Variants in ANKRD36 observed in about 807,000 individuals in gnomAD.
ANKRD36 encodes ankyrin repeat domain-containing protein 36A.
ANKRD36 carries 179 observed loss-of-function variants against 278.1 expected under a neutral mutation model. The observed-to-expected ratio is 0.64, with a 90% CI of 0.57 to 0.73. The LOEUF is 0.73. ANKRD36 is among the 30% of genes least tolerant of loss of function. ANKRD36 has a pLI of 0.00. For synonymous variants in ANKRD36, 320 were observed against 641.1 expected, an observed-to-expected ratio of 0.50 and a Z score of 7.57; for missense variants, 1,159 against 1,956.7, an observed-to-expected ratio of 0.59 and a Z score of 7.69.
intron 42 of ANKRD36, among the ~76,000 whole-genome samples, chr2:97,197,560 A>C (rs2060121981): frequency 6.6e-6 from 1 of 151,896 alleles, no homozygotes; most frequent in Admixed American, 6.6e-5. Flanking sequence ...TCTTGGATAC[A>C]ACAGCTATTT....
chr2:97,136,766 C>T (rs2041614686), intron 6 of ANKRD36, among the ~76,000 whole-genome samples: 1 of 151,954 alleles, frequency 6.6e-6, no homozygotes. Context: ...GCTGTTCTAG[C>T]TGCACCTGGT....
rs531067691 is a variant in ANKRD36, at chr2:97,196,994, T to G, written c.2653+206T>G. 1.0e-3 allele frequency among the ~76,000 whole-genome samples: 153 copies of G among 151,934 alleles called. No homozygotes were observed. The East Asian group carries it at 0.011, about 11-fold the overall frequency. On this transcript the variant is annotated intron_variant, in intron 42 of 75. Coordinates refer to ENST00000420699, the MANE Select transcript of ANKRD36 (RefSeq NM_001354587.1). The stretch of plus-strand genomic sequence containing the variant: ...GCCGTAAGATTATACACTTCCACAC[T>G]TTGAAGTTGGGAAGAAGATATATGG...
At chr2:97,194,037 T>A (rs1480642608) in intron 38 of ANKRD36, among the ~76,000 whole-genome samples, 1 of 151,712 alleles carries the variant, frequency 6.6e-6, no homozygotes, top group African/African-American at 2.4e-5. Context: ...ATGATATTTT[T>A]ATTGAGGCTA....
chr2:97,157,244 A>G (rs2047706493), intron 15 of ANKRD36, among the ~76,000 whole-genome samples: 1 of 149,434 alleles, frequency 6.7e-6, no homozygotes, highest in Admixed American at 6.7e-5. Context: ...ACTTTTTATT[A>G]CATAAGTATT....
chr2:97,196,650 C>T (rs368378573), intron 41 of ANKRD36, 29 bp downstream of exon 41: 43 of 1,602,492 alleles, frequency 2.7e-5, no homozygotes, highest in South Asian at 1.6e-4. Flanking sequence ...ATCATGTGAA[C>T]GAGTTAATGT....
intron 44 of ANKRD36, among the ~76,000 whole-genome samples, chr2:97,199,580 T>C (rs1176796215): frequency 6.6e-6 from 1 of 151,936 alleles, no homozygotes; most frequent in Non-Finnish European, 1.5e-5. Flanking sequence ...AACTGAGTAA[T>C]ATCTAATGCT....
At position 97,199,329 on chromosome 2, in the gene ANKRD36, C is replaced by A. The variant is rs542619743; in HGVS notation, c.2755+671C>A. 4.2e-4 allele frequency among the ~76,000 whole-genome samples: 64 copies of A among 151,950 alleles called. 1 individual carries two copies. In the South Asian group the frequency reaches 0.011, roughly 27 times the overall value. ...CTTACTCTTCTTGTTACTAGGAGGC[C>A]TCAGAGATACATGTTTTGTTGATTT... On this transcript the variant is annotated intron_variant, in intron 44 of 75. Coordinates refer to ENST00000420699, the MANE Select transcript of ANKRD36 (RefSeq NM_001354587.1).
At chr2:97,160,832 A>G (rs914874323) in intron 17 of ANKRD36, among the ~76,000 whole-genome samples, 1 of 152,112 alleles carries the variant, frequency 6.6e-6, no homozygotes, top group Non-Finnish European at 1.5e-5. Flanking sequence ...TTTTTTAAAA[A>G]TGAGCTTTCT....
chr2:97,220,761 C>CTTTTTTTTTTTTTTTATTTTTTTT (rs60699692), intron 66 of ANKRD36, among the ~76,000 whole-genome samples: 4 of 70,606 alleles, frequency 5.7e-5, no homozygotes, highest in African/African-American at 2.1e-4. Context: ...TTTTAATTTT[C>CTTTTTTTTTTTTTTTATTTTTTTT]TTTTTTTTTT....
At chr2:97,193,107 C>G in intron 38 of ANKRD36, 54 bp downstream of exon 38, 1 of 1,445,912 alleles carries the variant, frequency 6.9e-7, no homozygotes, top group Non-Finnish European at 9.3e-7. Flanking sequence ...ATAAGAAGTT[C>G]TCTTCCCTGA....
intron 14 of ANKRD36, 128 bp from the exon 15 acceptor site, chr2:97,154,547 T>A (rs1186565319): frequency 5.9e-6 from 4 of 675,678 alleles, no homozygotes; most frequent in African/African-American, 3.6e-5. Flanking sequence ...AATATGCAGA[T>A]AACTGAGTTT....
chr2:97,131,026 A>G (rs2153428839), intron 6 of ANKRD36, among the ~76,000 whole-genome samples: 1 of 152,170 alleles, frequency 6.6e-6, no homozygotes, highest in African/African-American at 2.4e-5. Flanking sequence ...TTTTCAAATT[A>G]AGTTAAGACA....
intron 22 of ANKRD36, among the ~76,000 whole-genome samples, chr2:97,178,378 C>G (rs182132142): frequency 1.3e-5 from 2 of 151,886 alleles, no homozygotes; most frequent in Non-Finnish European, 2.9e-5. Context: ...CACATGCACA[C>G]GCATGCTTAT....
At chr2:97,203,024 A>G (rs1368156751) in intron 48 of ANKRD36, among the ~76,000 whole-genome samples, 1 of 151,834 alleles carries the variant, frequency 6.6e-6, no homozygotes, top group Non-Finnish European at 1.5e-5. Flanking sequence ...GAACTGGCAT[A>G]GAAACACACT....
At chr2:97,203,407 G>A (rs1425815953) in intron 48 of ANKRD36, among the ~76,000 whole-genome samples, 9 of 151,908 alleles carry the variant, frequency 5.9e-5, no homozygotes, top group South Asian at 4.2e-4. Context: ...TTATCCCTTC[G>A]TGCCACGACT....
rs948328563 is a variant in ANKRD36 at position 97,217,485 on chromosome 2, G to T, written c.3775+113G>T. Reference sequence around the variant, plus strand: ...GAAAATGCACTTTCTGATTCAGCAGGCCTGAGATTGTGCATTTCTACTGAG... The same window carrying T: ...GAAAATGCACTTTCTGATTCAGCAGTCCTGAGATTGTGCATTTCTACTGAG... On this transcript the variant is annotated intron_variant, in intron 64 of 75. Transcript: ENST00000420699. 3.4e-6 allele frequency: 5 copies of T among 1,455,910 alleles called. No individual in the cohort carries two copies. The East Asian group carries it at 1.0e-4, about 30-fold the overall frequency. 90.2% of individuals were successfully genotyped at this position (1,455,910 alleles called of 1,614,324 possible). A position where few individuals can be genotyped will look rare whatever the true frequency, so the allele number is the denominator to read the frequency against.
In ANKRD36 at chr2:97,113,676, G is replaced by T; in HGVS notation, c.-64G>T. ...CTGCTTTGCTCGTTGTTGCTCTTCG[G>T]AGGCGGCGATCCCCGAAGGCGAGCT... On this transcript the variant is annotated 5_prime_UTR_variant, in exon 1 of 76. Transcript: ENST00000420699. The T allele has an allele frequency of 6.2e-7, 1 of 1,604,788 alleles. No homozygotes were observed. Among genetic ancestry groups the T allele is most frequent in the South Asian group, 1.1e-5 (1 of 90,478 alleles).
At chr2:97,244,126 T>C in intron 70 of ANKRD36, 97 bp downstream of exon 70, 6 of 1,414,590 alleles carry the variant, frequency 4.2e-6, no homozygotes, top group Non-Finnish European at 5.6e-6. Flanking sequence ...GCCTGAACAA[T>C]CCCCAAATTT....
intron 16 of ANKRD36, 77 bp from the exon 17 acceptor site, chr2:97,158,511 G>A: frequency 2.7e-6 from 4 of 1,463,714 alleles, no homozygotes; most frequent in Non-Finnish European, 3.7e-6. Context: ...AAAGCTGTGA[G>A]CCCCCACACC....
Sources: allele counts gnomAD v4.1 joint callset (sites outside exome capture counted in the v4.1 genomes callset), GRCh38; gene constraint gnomAD v4.1.1; transcripts MANE v1.5; gene names NCBI Gene and HGNC (gene_info 2026-07-23, HGNC 2026-07-21).